The following WWOX variants were observed in gnomAD, a reference collection of about 807,000 sequenced individuals.
The protein encoded by WWOX is WW domain containing oxidoreductase.
Under a neutral mutation model 46.2 loss-of-function variants are expected in WWOX, and 69 were observed. That is an observed-to-expected ratio of 1.49 (90% CI 1.23 to 1.82). WWOX has a LOEUF of 1.82. Among genes scored for constraint, WWOX ranks in the 40% most tolerant of loss-of-function variants. The pLI, the probability that WWOX is intolerant of heterozygous loss-of-function variation, is 0.00. For synonymous variants in WWOX, 359 were observed against 202.6 expected (o/e 1.77, Z -6.56); for missense variants, 919 against 542.6 (o/e 1.69, Z -6.89).
At chr16:78,318,821 C>G (rs892911291) in intron 5 of WWOX, among the ~76,000 whole-genome samples, 13 of 152,266 alleles carry the variant, frequency 8.5e-5, no homozygotes, top group Admixed American at 7.2e-4. Context: ...ACAAGCATGA[C>G]TCCTTATATA....
rs576750166 is a variant in WWOX, at chr16:78,229,131, C to G, written c.516+64842C>G. On this transcript the variant is annotated intron_variant, in intron 5 of 8. Coordinates refer to ENST00000566780, the MANE Select transcript of WWOX (RefSeq NM_016373.4). ...GCATGTGATCATACATCTACCTAAC[C>G]TCTCCCATTGGTTGAATTTAATATA... 3.9e-5 allele frequency among the ~76,000 whole-genome samples: 6 copies of G among 152,208 alleles called. No homozygotes were observed. In the South Asian group the frequency reaches 6.2e-4, roughly 16 times the overall value.
rs966573583 is a variant in WWOX at position 78,996,230 on chromosome 16, A to G, written c.1057-215378A>G. 24 of 985,178 alleles carry G rather than the reference A, an allele frequency of 2.4e-5. No individual in the cohort carries two copies. The East Asian group carries it at 3.4e-4, about 14-fold the overall frequency. 61.0% of individuals were successfully genotyped at this position (985,178 alleles called of 1,614,324 possible). On this transcript the variant is annotated intron_variant, in intron 8 of 8. Coordinates refer to ENST00000566780, the MANE Select transcript of WWOX (RefSeq NM_016373.4). Reference sequence around the variant, plus strand: ...TTTTTGAAGACTTGTGGATAGAAGAAGTAACCTTGAAAAGGGCAGAGCTGA... The same window carrying G: ...TTTTTGAAGACTTGTGGATAGAAGAGGTAACCTTGAAAAGGGCAGAGCTGA...
chr16:78,420,686 T>C (rs1267099897), intron 6 of WWOX, among the ~76,000 whole-genome samples: 1 of 150,980 alleles, frequency 6.6e-6, no homozygotes, highest in African/African-American at 2.4e-5. Flanking sequence ...AAAAGTGCTA[T>C]AAAATTAGAA....
At chr16:78,982,671 A>G (rs1478194662) in intron 8 of WWOX, among the ~76,000 whole-genome samples, 1 of 152,228 alleles carries the variant, frequency 6.6e-6, no homozygotes, top group Non-Finnish European at 1.5e-5. Flanking sequence ...AGGACTGTTA[A>G]TATTTTAGAC....
intron 8 of WWOX, among the ~76,000 whole-genome samples, chr16:78,761,687 C>G (rs988900638): frequency 1.3e-5 from 2 of 152,140 alleles, no homozygotes; most frequent in Admixed American, 6.6e-5. Flanking sequence ...CACTTAATAC[C>G]TCCTTGGCTT....
chr16:78,271,475 A>C lies in WWOX; in HGVS notation c.516+107186A>C, dbSNP rs574447353. Among the ~76,000 whole-genome samples, 29 of 152,340 alleles carry C rather than the reference A, an allele frequency of 1.9e-4. 1 individual carries two copies. The South Asian group carries it at 6.0e-3, about 32-fold the overall frequency. On this transcript the variant is annotated intron_variant, in intron 5 of 8. Transcript: ENST00000566780. ...CATTGGAATATCACTGGGAATCTCA[A>C]GTTCCCAGGAGCCAACCACGAGAGC...
chr16:78,225,891 A>T (rs2037037988), intron 5 of WWOX, among the ~76,000 whole-genome samples: 1 of 151,904 alleles, frequency 6.6e-6, no homozygotes, highest in Non-Finnish European at 1.5e-5. Flanking sequence ...TTATAATTTG[A>T]CTCCCTTCTA....
chr16:78,851,768 T>C (rs2052450097), intron 8 of WWOX, among the ~76,000 whole-genome samples: 1 of 152,248 alleles, frequency 6.6e-6, no homozygotes, highest in African/African-American at 2.4e-5. Flanking sequence ...TTATAAACTT[T>C]AGGGGCTGTA....
intron 4 of WWOX, among the ~76,000 whole-genome samples, chr16:78,158,972 T>C (rs2034694547): frequency 6.6e-6 from 1 of 152,190 alleles, no homozygotes; most frequent in African/African-American, 2.4e-5. Context: ...CATTCTATTT[T>C]TTGCCTCTAT....
At chr16:78,397,804 C>T (rs567621138) in intron 6 of WWOX, among the ~76,000 whole-genome samples, 10 of 152,302 alleles carry the variant, frequency 6.6e-5, no homozygotes, top group Middle Eastern at 3.4e-3. Flanking sequence ...GGATTATAGG[C>T]GTGAGCCACC....
At chr16:78,608,754 AC>A (rs2045826734) in intron 8 of WWOX, among the ~76,000 whole-genome samples, 2 of 152,278 alleles carry the variant, frequency 1.3e-5, no homozygotes, top group African/African-American at 4.8e-5. Flanking sequence ...CGGACCCAGG[AC>A]AACTAAAGCC....
chr16:79,196,112 C>A (rs935621083), intron 8 of WWOX, among the ~76,000 whole-genome samples: 16 of 152,170 alleles, frequency 1.1e-4, no homozygotes, highest in African/African-American at 3.6e-4. Context: ...AGGTTTGGCA[C>A]CTCTGATAAA....
intron 8 of WWOX, among the ~76,000 whole-genome samples, chr16:78,594,515 A>G (rs1017642464): frequency 1.5e-5 from 2 of 137,172 alleles, no homozygotes; most frequent in Admixed American, 1.8e-4. Context: ...CCACCCTGCT[A>G]GGTACAAATC....
At chr16:79,018,665 C>A (rs1302607375) in intron 8 of WWOX, among the ~76,000 whole-genome samples, 1 of 152,058 alleles carries the variant, frequency 6.6e-6, no homozygotes, top group African/African-American at 2.4e-5. Context: ...TCATGCTCAC[C>A]CCAATCAATG....
intron 8 of WWOX, among the ~76,000 whole-genome samples, chr16:78,841,339 G>A (rs1352226366): frequency 1.3e-5 from 2 of 152,142 alleles, no homozygotes; most frequent in African/African-American, 4.8e-5. Flanking sequence ...TGTATTCATG[G>A]TGATTAAATA....
intron 5 of WWOX, among the ~76,000 whole-genome samples, chr16:78,185,854 A>C (rs2035684161): frequency 1.2e-5 from 1 of 85,188 alleles, no homozygotes; most frequent in Non-Finnish European, 2.5e-5. Context: ...TTTAGTAGAG[A>C]TGGGTTTCAC....
At chr16:79,036,039 G>C (rs2047859742) in intron 8 of WWOX, among the ~76,000 whole-genome samples, 2 of 152,158 alleles carry the variant, frequency 1.3e-5, no homozygotes, top group African/African-American at 4.8e-5. Flanking sequence ...ACTCAGCACA[G>C]TCCACCTCTG....
intron 8 of WWOX, among the ~76,000 whole-genome samples, chr16:78,657,790 C>G (rs1435117892): frequency 1.3e-5 from 2 of 152,006 alleles, no homozygotes; most frequent in Admixed American, 6.5e-5. Context: ...TCATTGTTGT[C>G]CTTTTTTATT....
chr16:78,777,883 A>G (rs1424834390), intron 8 of WWOX, among the ~76,000 whole-genome samples: 1 of 151,982 alleles, frequency 6.6e-6, no homozygotes, highest in Non-Finnish European at 1.5e-5. Flanking sequence ...TGTCTGTACA[A>G]AAAATATAAA....
Sources: allele counts gnomAD v4.1 joint callset (sites outside exome capture counted in the v4.1 genomes callset), GRCh38; gene constraint gnomAD v4.1.1; transcripts MANE v1.5; gene names NCBI Gene and HGNC (gene_info 2026-07-23, HGNC 2026-07-21).